DOCK10: variants seen among roughly 807,000 people sequenced by gnomAD.
DOCK10 encodes dedicator of cytokinesis protein 10.
Under a neutral mutation model 280.1 loss-of-function variants are expected in DOCK10, and 145 were observed. The ratio of observed to expected loss-of-function variants is 0.52; its 90% CI spans 0.45 to 0.59. DOCK10 has a LOEUF of 0.59. Ranked by LOEUF, DOCK10 falls within the 20% of genes least tolerant of loss-of-function variation. The pLI is 0.00. For synonymous variants in DOCK10, 915 were observed against 942.2 expected, an observed-to-expected ratio of 0.97 and a Z score of 0.53; for missense variants, 2,368 against 2,651.7, an observed-to-expected ratio of 0.89 and a Z score of 2.35.
intron 1 of DOCK10, among the ~76,000 whole-genome samples, chr2:224,973,867 A>C (rs1023122928): frequency 4.6e-5 from 7 of 152,256 alleles, no homozygotes; most frequent in African/African-American, 1.7e-4. Flanking sequence ...TTCCTCACCC[A>C]TGGCAATGCA....
At chr2:224,793,320 G>A (rs575073933) in intron 46 of DOCK10, 80 bp downstream of exon 46, 1 of 1,174,016 alleles carries the variant, frequency 8.5e-7, no homozygotes, top group South Asian at 1.4e-5. Flanking sequence ...TTAATAAAAT[G>A]TAAAATTAAT....
intron 1 of DOCK10, among the ~76,000 whole-genome samples, chr2:225,020,902 T>G (rs1455274508): frequency 6.6e-6 from 1 of 152,230 alleles, no homozygotes; most frequent in Non-Finnish European, 1.5e-5. Context: ...AGTGCATATG[T>G]GACATAGGAT....
chr2:224,956,718 C>T (rs982793664), intron 1 of DOCK10, among the ~76,000 whole-genome samples: 2 of 151,620 alleles, frequency 1.3e-5, no homozygotes, highest in African/African-American at 4.8e-5. Flanking sequence ...GCCTCAGAAG[C>T]TGGTTCACCT....
chr2:224,798,007 A>G (rs1692700926), intron 41 of DOCK10, 38 bp from the exon 42 acceptor site: 2 of 1,594,464 alleles, frequency 1.3e-6, no homozygotes, highest in South Asian at 1.1e-5. Context: ...GGATAAGTGA[A>G]AGAAAATTTT....
chr2:224,940,564 T>G (rs976958835), intron 1 of DOCK10, among the ~76,000 whole-genome samples: 1 of 152,200 alleles, frequency 6.6e-6, no homozygotes, highest in Non-Finnish European at 1.5e-5. Flanking sequence ...CTGTGAAAAG[T>G]ACACCAGGTA....
chr2:224,991,999 A>G (rs1350663021), intron 1 of DOCK10, among the ~76,000 whole-genome samples: 1 of 152,170 alleles, frequency 6.6e-6, no homozygotes, highest in Non-Finnish European at 1.5e-5. Flanking sequence ...ATGCATCAAG[A>G]AAAACCAAAT....
intron 48 of DOCK10, among the ~76,000 whole-genome samples, chr2:224,787,860 C>A (rs1386028504): frequency 6.6e-6 from 1 of 152,172 alleles, no homozygotes; most frequent in African/African-American, 2.4e-5. Context: ...AGGCACCAAC[C>A]TCCCTCTCAG....
chr2:224,806,268 G>T, intron 33 of DOCK10, 31 bp from the exon 34 acceptor site: 2 of 1,295,844 alleles, frequency 1.5e-6, no homozygotes, highest in Non-Finnish European at 1.1e-6. Flanking sequence ...AGATTAATGG[G>T]AATCATGGCA....
At chr2:224,997,712 AGT>A (rs1168242050) in intron 1 of DOCK10, among the ~76,000 whole-genome samples, 1 of 152,168 alleles carries the variant, frequency 6.6e-6, no homozygotes, top group Non-Finnish European at 1.5e-5. Context: ...TGCAGCACCC[AGT>A]GTGTGAGGCA....
chr2:224,956,684 A>G lies in DOCK10; in HGVS notation c.124-25016T>C, dbSNP rs1043309595. Among the ~76,000 whole-genome samples the G allele has an allele frequency of 1.3e-3, 204 of 151,490 alleles. 4 individuals are homozygous for G. The highest frequency in any genetic ancestry group is 1.5e-3 in the Admixed American group (23 of 15,202). On this transcript the variant is annotated intron_variant, in intron 1 of 55. Coordinates refer to ENST00000258390, the MANE Select transcript of DOCK10 (RefSeq NM_014689.3). Reference sequence around the variant, plus strand: ...AAGTGATGCCTGTTAAAGACACTACACAGACCACACTTTGAGAAACAATGC... The same window carrying G: ...AAGTGATGCCTGTTAAAGACACTACGCAGACCACACTTTGAGAAACAATGC...
chr2:224,766,193 T>G (rs1559349806), intron 55 of DOCK10, among the ~76,000 whole-genome samples: 1 of 152,340 alleles, frequency 6.6e-6, no homozygotes, highest in East Asian at 1.9e-4. Flanking sequence ...CATTAGAAAT[T>G]TTATTTAAAT....
chr2:224,849,892 A>G (rs568603236), intron 18 of DOCK10, among the ~76,000 whole-genome samples: 1 of 152,356 alleles, frequency 6.6e-6, no homozygotes, highest in South Asian at 2.1e-4. Context: ...ACAGGAGAAC[A>G]GAAAATTCCA....
rs376498787 is a variant in DOCK10 at position 224,826,558 on chromosome 2, C to G, written c.3037-2911G>C. Among the ~76,000 whole-genome samples, 10 of 152,050 alleles carry G rather than the reference C, an allele frequency of 6.6e-5. No individual in the cohort carries two copies. The East Asian group carries it at 1.7e-3, about 26-fold the overall frequency. On this transcript the variant is annotated intron_variant, in intron 27 of 55. Transcript: ENST00000258390. ...GAAAAAAAAAAGAAAATACAAATAG[C>G]TTGGGAAAAGTTTACTGTGAATGCT... is the stretch of plus-strand genomic sequence containing the variant.
intron 2 of DOCK10, among the ~76,000 whole-genome samples, chr2:224,926,354 G>T (rs1383206443): frequency 6.6e-6 from 1 of 152,226 alleles, no homozygotes; most frequent in African/African-American, 2.4e-5. Flanking sequence ...GAACTGATTT[G>T]TCCCTTGTCT....
At chr2:225,032,413 T>A (rs568629167) in intron 1 of DOCK10, among the ~76,000 whole-genome samples, 1 of 152,336 alleles carries the variant, frequency 6.6e-6, no homozygotes, top group East Asian at 1.9e-4. Context: ...AGGCATCTTA[T>A]CTCTGCATGT....
chr2:224,930,217 AAAGAAAGAAAG>A (rs983820272), intron 2 of DOCK10, among the ~76,000 whole-genome samples: 4 of 135,238 alleles, frequency 3.0e-5, no homozygotes, highest in South Asian at 2.3e-4. Context: ...AAAAAAAAAA[AAAGAAAGAAAG>A]AAGAAAGAAA....
intron 7 of DOCK10, among the ~76,000 whole-genome samples, chr2:224,877,326 G>T (rs1294628318): frequency 6.6e-6 from 1 of 152,160 alleles, no homozygotes; most frequent in South Asian, 2.1e-4. Flanking sequence ...ATGAGGACTG[G>T]GTCAGTTTTC....
In DOCK10 at chr2:224,827,217, C is replaced by T. The variant is rs1489111045; in HGVS notation, c.3036+3324G>A. 7.7e-5 allele frequency among the ~76,000 whole-genome samples: 11 copies of T among 142,622 alleles called. No individual in the cohort carries two copies. The East Asian group carries it at 1.3e-3, about 17-fold the overall frequency. 93.6% of individuals were successfully genotyped at this position (142,622 alleles called of 152,430 possible). Reference sequence around the variant, plus strand: ...GGTGGAGCTTGCAGTGAGCCGAGATCGTGCCACTGCACTCCAGTGTGGGCG... The same window carrying T: ...GGTGGAGCTTGCAGTGAGCCGAGATTGTGCCACTGCACTCCAGTGTGGGCG... On this transcript the variant is annotated intron_variant, in intron 27 of 55. Transcript: ENST00000258390.
intron 1 of DOCK10, among the ~76,000 whole-genome samples, chr2:225,007,604 T>C (rs1464148944): frequency 2.6e-5 from 4 of 152,194 alleles, no homozygotes; most frequent in Non-Finnish European, 5.9e-5. Context: ...TGATGAGGAA[T>C]CTAATATTAA....
Sources: allele counts gnomAD v4.1 joint callset (sites outside exome capture counted in the v4.1 genomes callset), GRCh38; gene constraint gnomAD v4.1.1; transcripts MANE v1.5; gene names NCBI Gene and HGNC (gene_info 2026-07-23, HGNC 2026-07-21).